The following VWA8 variants were observed in gnomAD, a reference collection of about 807,000 sequenced individuals.
VWA8 encodes von Willebrand factor A domain containing 8.
Under a neutral mutation model 241.5 loss-of-function variants are expected in VWA8, and 221 were observed. The ratio of observed to expected loss-of-function variants is 0.91; its 90% CI spans 0.82 to 1.02. VWA8 has a LOEUF of 1.02. Ranked by LOEUF, VWA8 falls within the 50% of genes least tolerant of loss-of-function variation. VWA8 has a pLI of 0.00. For synonymous variants in VWA8, 852 were observed against 827.1 expected, an observed-to-expected ratio of 1.03 and a Z score of -0.52; for missense variants, 2,322 against 2,328.7, an observed-to-expected ratio of 1.00 and a Z score of 0.06.
At chr13:41,938,074 T>A (rs1175754808) in intron 2 of VWA8, among the ~76,000 whole-genome samples, 1 of 150,768 alleles carries the variant, frequency 6.6e-6, no homozygotes, top group Non-Finnish European at 1.5e-5. Context: ...GGCAGGAGAA[T>A]CACTTGAACC....
At chr13:41,781,879 T>G (rs537448991) in intron 19 of VWA8, among the ~76,000 whole-genome samples, 2 of 152,308 alleles carry the variant, frequency 1.3e-5, no homozygotes, top group African/African-American at 4.8e-5. Flanking sequence ...CTTAGTGATA[T>G]GGAAAACACG....
At chr13:41,914,303 G>A (rs555410473) in intron 2 of VWA8, among the ~76,000 whole-genome samples, 1 of 152,312 alleles carries the variant, frequency 6.6e-6, no homozygotes, top group Non-Finnish European at 1.5e-5. Flanking sequence ...GAGTAATAAA[G>A]AAAAGTAGAT....
intron 1 of VWA8, among the ~76,000 whole-genome samples, chr13:41,950,368 T>G (rs1878069524): frequency 1.7e-5 from 1 of 59,502 alleles, no homozygotes; most frequent in African/African-American, 9.3e-5. Flanking sequence ...GAGTAAAATC[T>G]TTTTTTTTTT....
chr13:41,573,486 A>AAAAATAAAT, intron 43 of VWA8, among the ~76,000 whole-genome samples: 1 of 113,614 alleles, frequency 8.8e-6, no homozygotes, highest in African/African-American at 3.4e-5. Context: ...AAAAAAAAAA[A>AAAAATAAAT]ATATATATAT....
At chr13:41,703,927 C>T (rs1031205789) in intron 26 of VWA8, among the ~76,000 whole-genome samples, 5 of 151,880 alleles carry the variant, frequency 3.3e-5, no homozygotes, top group East Asian at 1.9e-4. Flanking sequence ...TACAGGCATG[C>T]GCCACCACAC....
chr13:41,779,179 T>C (rs949579047), intron 19 of VWA8, among the ~76,000 whole-genome samples: 24 of 148,162 alleles, frequency 1.6e-4, no homozygotes, highest in Non-Finnish European at 2.7e-4. Flanking sequence ...GCTTTATATC[T>C]ATATTGTATA....
chr13:41,879,446 A>G (rs1874067356), intron 9 of VWA8, among the ~76,000 whole-genome samples: 1 of 149,380 alleles, frequency 6.7e-6, no homozygotes, highest in Non-Finnish European at 1.5e-5. Flanking sequence ...TGGTTATTTC[A>G]CTGCTTCCAT....
At chr13:41,662,722 G>T (rs2044959210) in intron 37 of VWA8, among the ~76,000 whole-genome samples, 1 of 151,208 alleles carries the variant, frequency 6.6e-6, no homozygotes, top group African/African-American at 2.4e-5. Flanking sequence ...AAGTTTTAGG[G>T]TACATGTGCA....
At chr13:41,706,473 G>C (rs2045283161) in intron 26 of VWA8, among the ~76,000 whole-genome samples, 1 of 152,128 alleles carries the variant, frequency 6.6e-6, no homozygotes, top group Non-Finnish European at 1.5e-5. Flanking sequence ...ATTGTTTCCG[G>C]ACTTTTACTG....
chr13:41,681,316 C>T (rs1015200433), intron 35 of VWA8, among the ~76,000 whole-genome samples: 2 of 152,158 alleles, frequency 1.3e-5, no homozygotes, highest in Non-Finnish European at 2.9e-5. Context: ...AACTTCTTTG[C>T]AGTCATCCCT....
At chr13:41,713,746 A>T (rs2045332225) in intron 26 of VWA8, among the ~76,000 whole-genome samples, 1 of 152,182 alleles carries the variant, frequency 6.6e-6, no homozygotes, top group Admixed American at 6.5e-5. Context: ...AATCCTGATG[A>T]GAACATCTCA....
At chr13:41,721,284 A>G in intron 25 of VWA8, 86 bp downstream of exon 25, 1 of 1,367,216 alleles carries the variant, frequency 7.3e-7, no homozygotes, top group South Asian at 1.3e-5. Flanking sequence ...ATTTATGGAA[A>G]TTAAAAACTC....
intron 19 of VWA8, among the ~76,000 whole-genome samples, chr13:41,778,963 TC>T (rs1868761030): frequency 7.0e-6 from 1 of 143,840 alleles, no homozygotes. Context: ...TGCCTCAGCC[TC>T]CCGAGTAGCT....
chr13:41,667,408 T>G (rs1329060501), intron 37 of VWA8, among the ~76,000 whole-genome samples: 1 of 152,226 alleles, frequency 6.6e-6, no homozygotes, highest in African/African-American at 2.4e-5. Flanking sequence ...GTGCTTATTG[T>G]GTACCAGACA....
intron 29 of VWA8, among the ~76,000 whole-genome samples, chr13:41,698,502 G>A (rs2045229028): frequency 6.6e-6 from 1 of 152,066 alleles, no homozygotes. Flanking sequence ...AGTAAATGAC[G>A]GATAGAACTT....
chr13:41,749,519 T>G (rs1219823334), intron 21 of VWA8, among the ~76,000 whole-genome samples: 4 of 152,112 alleles, frequency 2.6e-5, no homozygotes, highest in Admixed American at 1.3e-4. Context: ...ATACCCAAAG[T>G]AGTATAAATC....
chr13:41,641,581 T>C (rs1316537967), intron 37 of VWA8, among the ~76,000 whole-genome samples: 2 of 152,112 alleles, frequency 1.3e-5, no homozygotes, highest in African/African-American at 4.8e-5. Flanking sequence ...AAAGAGTTAT[T>C]ATAATGTCTA....
chr13:41,584,051 G>A (rs1236641491), intron 42 of VWA8, among the ~76,000 whole-genome samples: 1 of 152,120 alleles, frequency 6.6e-6, no homozygotes, highest in African/African-American at 2.4e-5. Context: ...GGGGGCGGGG[G>A]TAGAGAGAGT....
intron 37 of VWA8, among the ~76,000 whole-genome samples, chr13:41,654,889 G>C (rs1285099930): frequency 6.6e-6 from 1 of 152,172 alleles, no homozygotes; most frequent in Non-Finnish European, 1.5e-5. Flanking sequence ...CAGATTGAAA[G>C]ACACCAAAGA....
Sources: gnomAD v4.1 joint callset for allele counts (sites outside exome capture counted in the v4.1 genomes callset) on GRCh38, gnomAD v4.1.1 for gene constraint, MANE v1.5 for transcripts, NCBI Gene and HGNC (gene_info 2026-07-23, HGNC 2026-07-21) for gene names.